Variants in WDR72 observed in about 807,000 individuals in gnomAD.
WDR72 encodes the protein WD repeat-containing protein 72.
Under a neutral mutation model 124.2 loss-of-function variants are expected in WDR72, and 120 were observed. The ratio of observed to expected loss-of-function variants is 0.97; its 90% CI spans 0.83 to 1.12. The LOEUF is 1.12. Among genes scored for constraint, WDR72 ranks in the 50% most tolerant of loss-of-function variants. The pLI is 0.00. For missense variants in WDR72, 1,387 were observed against 1,278.8 expected, an observed-to-expected ratio of 1.08 and a Z score of -1.29; for synonymous variants, 452 against 441.7, an observed-to-expected ratio of 1.02 and a Z score of -0.29.
At chr15:53,714,547 T>A in intron 5 of WDR72, 37 bp from the exon 6 acceptor site, 1 of 1,473,196 alleles carries the variant, frequency 6.8e-7, no homozygotes, top group Admixed American at 1.7e-5. Context: ...AAGCTTACCA[T>A]GGATATAATT....
Position 53,740,377 on chromosome 15 carries a change from A to G in WDR72, c.-12-7216T>C, listed in dbSNP as rs563547046. On this transcript the variant is annotated intron_variant, in intron 1 of 19. Coordinates refer to ENST00000360509, the MANE Select transcript of WDR72 (RefSeq NM_182758.4). ...GGCTGGAGTGCAGTGGCGCGATCTC[A>G]GCTCACTGTAAGCTCCGTCTCCCGG... is the stretch of plus-strand genomic sequence containing the variant. Among the ~76,000 whole-genome samples, 326 of 148,404 alleles carry G rather than the reference A, an allele frequency of 2.2e-3. 4 individuals are homozygous for G. In the Middle Eastern group the frequency reaches 0.025, roughly 12 times the overall value.
intron 18 of WDR72, among the ~76,000 whole-genome samples, chr15:53,547,398 C>G (rs1893527686): frequency 6.6e-6 from 1 of 152,162 alleles, no homozygotes. Context: ...TCCCAAAGTG[C>G]TAGAATTAGA....
chr15:53,719,748 T>C (rs1420893077), intron 3 of WDR72, among the ~76,000 whole-genome samples: 1 of 152,194 alleles, frequency 6.6e-6, no homozygotes. Context: ...AGCCCAGACC[T>C]ACTACATCTG....
chr15:53,551,544 T>G (rs1310571678), intron 18 of WDR72, among the ~76,000 whole-genome samples: 1 of 152,144 alleles, frequency 6.6e-6, no homozygotes, highest in African/African-American at 2.4e-5. Flanking sequence ...GTAGATTTAT[T>G]ACCTGTCCAT....
chr15:53,699,953 A>G lies in WDR72; in HGVS notation c.1570-8T>C. The G allele has an allele frequency of 6.2e-7, 1 of 1,614,222 alleles. No homozygotes were observed. The highest frequency in any genetic ancestry group is 8.5e-7 in the Non-Finnish European group (1 of 1,180,024). On this transcript the variant is annotated splice_polypyrimidine_tract_variant and splice_region_variant and intron_variant, in intron 12 of 19. Coordinates refer to ENST00000360509, the MANE Select transcript of WDR72 (RefSeq NM_182758.4). ...TATCTGCTCACCCCTTAGCTGTGAA[A>G]AAACAACATGCTTATGTAAGTAAAT...
intron 18 of WDR72, among the ~76,000 whole-genome samples, chr15:53,560,305 C>T (rs773366041): frequency 1.3e-5 from 2 of 151,784 alleles, no homozygotes; most frequent in East Asian, 1.9e-4. Flanking sequence ...CTGATGCACA[C>T]GGTAGGGGTT....
intron 18 of WDR72, among the ~76,000 whole-genome samples, chr15:53,580,463 T>C (rs1190591202): frequency 6.6e-6 from 1 of 152,040 alleles, no homozygotes; most frequent in Non-Finnish European, 1.5e-5. Context: ...GTAATAGCCA[T>C]TTGCAAAAGA....
chr15:53,608,628 T>C (rs1472326826), intron 17 of WDR72, among the ~76,000 whole-genome samples: 4 of 151,558 alleles, frequency 2.6e-5, no homozygotes, highest in African/African-American at 9.7e-5. Flanking sequence ...GTGGTGTGCA[T>C]GCCTGTAGTT....
At chr15:53,745,737 C>A (rs1195514624) in intron 1 of WDR72, among the ~76,000 whole-genome samples, 3 of 152,142 alleles carry the variant, frequency 2.0e-5, no homozygotes, top group Non-Finnish European at 4.4e-5. Flanking sequence ...TCTCTGGTAT[C>A]TCTAAGCTGA....
intron 8 of WDR72, 114 bp from the exon 9 acceptor site, chr15:53,711,067 T>C (rs2017522202): frequency 1.0e-6 from 1 of 982,784 alleles, no homozygotes; most frequent in Non-Finnish European, 1.5e-6. Context: ...TAAACTCTAG[T>C]TAGAAATTGT....
chr15:53,646,268 T>C (rs1280371450), intron 14 of WDR72, among the ~76,000 whole-genome samples: 2 of 152,176 alleles, frequency 1.3e-5, no homozygotes, highest in African/African-American at 2.4e-5. Flanking sequence ...AAAATATTGC[T>C]GGATTGTTTG....
chr15:53,617,131 A>C (rs2013798546), intron 14 of WDR72, among the ~76,000 whole-genome samples: 1 of 151,904 alleles, frequency 6.6e-6, no homozygotes, highest in Non-Finnish European at 1.5e-5. Context: ...GGTGGTGTAA[A>C]TTATATCGAT....
chr15:53,551,593 CT>C (rs1223267502), intron 18 of WDR72, among the ~76,000 whole-genome samples: 2 of 152,118 alleles, frequency 1.3e-5, no homozygotes, highest in Non-Finnish European at 2.9e-5. Flanking sequence ...AATTTGGTTA[CT>C]TATGCAAACA....
chr15:53,585,448 G>A (rs1011505462), intron 18 of WDR72, among the ~76,000 whole-genome samples: 8 of 151,998 alleles, frequency 5.3e-5, no homozygotes, highest in Non-Finnish European at 1.0e-4. Context: ...CCCTCAGCAC[G>A]TGGGGATTAC....
At chr15:53,567,937 C>T (rs887545969) in intron 18 of WDR72, among the ~76,000 whole-genome samples, 1 of 150,278 alleles carries the variant, frequency 6.7e-6, no homozygotes, top group African/African-American at 2.4e-5. Flanking sequence ...TTCAATATTC[C>T]TCCATTTCAT....
At chr15:53,714,700 T>A (rs566914872) in intron 5 of WDR72, among the ~76,000 whole-genome samples, 190 bp from the exon 6 acceptor site, 1 of 152,152 alleles carries the variant, frequency 6.6e-6, no homozygotes. Context: ...AATTTCAAAG[T>A]GATTCCTAGG....
At position 53,714,466 on chromosome 15, in the gene WDR72, A is replaced by C. The variant is rs1406276612; in HGVS notation, c.559T>G (p.Trp187Gly). The change falls in exon 6 of 20, where the codon TGG (tryptophan) becomes GGG (glycine). Residue 187 changes from tryptophan (W) to glycine (G), a missense_variant. By Grantham distance (184) the Trp-to-Gly change is radical. Transcript: ENST00000360509. ...VVSVAGELKV[W>G]DLSSSINSIQ... ...CTGTTGATAGATGAGGAAAGATCCCATACTTTGAGCTCACCAGCTACTGAT... is the reference window on the plus strand; with the variant it reads ...CTGTTGATAGATGAGGAAAGATCCCCTACTTTGAGCTCACCAGCTACTGAT... 1 of 1,614,020 alleles carries C rather than the reference A, an allele frequency of 6.2e-7. No individual in the cohort carries two copies. The highest frequency in any genetic ancestry group is 8.5e-7 in the Non-Finnish European group (1 of 1,179,940).
At chr15:53,644,998 C>A (rs1041478064) in intron 14 of WDR72, among the ~76,000 whole-genome samples, 3 of 152,094 alleles carry the variant, frequency 2.0e-5, no homozygotes, top group Non-Finnish European at 2.9e-5. Flanking sequence ...CAACTTAGTG[C>A]GTGAAACCCA....
intron 1 of WDR72, among the ~76,000 whole-genome samples, chr15:53,743,714 C>G (rs957793490): frequency 6.6e-6 from 1 of 152,186 alleles, no homozygotes; most frequent in Non-Finnish European, 1.5e-5. Context: ...CAGTGGCTCA[C>G]GCCTGTAATC....
Sources: gnomAD v4.1 joint callset for allele counts (sites outside exome capture counted in the v4.1 genomes callset) on GRCh38, gnomAD v4.1.1 for gene constraint, MANE v1.5 for transcripts, NCBI Gene and HGNC (gene_info 2026-07-23, HGNC 2026-07-21) for gene names.